SPATA13: variants seen among roughly 807,000 people sequenced by gnomAD.
SPATA13 encodes spermatogenesis associated 13.
A neutral mutation model predicts 104.0 loss-of-function variants in SPATA13; 50 were observed. The ratio of observed to expected loss-of-function variants is 0.48; its 90% CI spans 0.38 to 0.61. The LOEUF is 0.61. Among genes scored for constraint, SPATA13 ranks in the 20% least tolerant of loss-of-function variants. The probability of loss-of-function intolerance (pLI) is 0.00; values close to 1 mark genes in which losing one functional copy is unlikely to be tolerated. For missense variants in SPATA13, 1,524 were observed against 1,690.6 expected, an observed-to-expected ratio of 0.90 and a Z score of 1.73; for synonymous variants, 606 against 667.5, an observed-to-expected ratio of 0.91 and a Z score of 1.42.
chr13:24,299,708 A>G (rs750099626), intron 11 of SPATA13, among the ~76,000 whole-genome samples: 12 of 152,200 alleles, frequency 7.9e-5, no homozygotes, highest in Non-Finnish European at 1.3e-4. Context: ...GTACCTGCCT[A>G]CAGGAGGAAG....
intron 3 of SPATA13, among the ~76,000 whole-genome samples, chr13:24,102,446 T>A (rs561580435): frequency 2.0e-5 from 3 of 151,754 alleles, no homozygotes; most frequent in East Asian, 3.9e-4. Flanking sequence ...CTTTAGATTG[T>A]TGGTTTTTTC....
rs1876286022 is a variant in SPATA13 at position 24,290,694 on chromosome 13, C to G, written c.2890C>G (p.Pro964Ala). 1 of 1,614,088 alleles carries G rather than the reference C, an allele frequency of 6.2e-7. No individual in the cohort carries two copies. The highest frequency in any genetic ancestry group is 8.5e-7 in the Non-Finnish European group (1 of 1,180,050). The change falls in exon 9 of 13, where the codon CCG becomes GCG. Residue 964 changes from proline to alanine, a missense_variant. Physicochemically the swap from Pro to Ala is conservative, Grantham distance 27 (BLOSUM62 -1). This residue lies in a region of SPATA13 where 435 missense variants were observed against 554.8 expected (regional missense o/e 0.78). Transcript: ENST00000382108. Reference sequence around the variant, plus strand: ...CTATTCCGAGTACTGCAACAACCACCCGGGCGCCTGCCTGGAGCTCGCCAA... The same window carrying G: ...CTATTCCGAGTACTGCAACAACCACGCGGGCGCCTGCCTGGAGCTCGCCAA... ...AIYSEYCNNH[P>A]GACLELANLM...
At chr13:23,990,601 T>G (rs1051817901) in intron 2 of SPATA13, among the ~76,000 whole-genome samples, 1 of 152,228 alleles carries the variant, frequency 6.6e-6, no homozygotes, top group Non-Finnish European at 1.5e-5. Flanking sequence ...CAGCCTGGTT[T>G]AGTGGATTCT....
chr13:24,029,404 T>C (rs891256762), intron 3 of SPATA13, among the ~76,000 whole-genome samples: 11 of 152,214 alleles, frequency 7.2e-5, no homozygotes, highest in Non-Finnish European at 1.2e-4. Context: ...CCCAAATCCA[T>C]GTTAGGGCTG....
intron 1 of SPATA13, among the ~76,000 whole-genome samples, chr13:24,218,615 T>C (rs1871388916): frequency 6.6e-6 from 1 of 152,144 alleles, no homozygotes; most frequent in South Asian, 2.1e-4. Flanking sequence ...ATCAAGCTTC[T>C]CTAACCAGTG....
At chr13:24,058,205 G>A (rs991989428) in intron 3 of SPATA13, among the ~76,000 whole-genome samples, 2 of 151,820 alleles carry the variant, frequency 1.3e-5, no homozygotes, top group East Asian at 1.9e-4. Flanking sequence ...ATAGGATGAC[G>A]TCTTTTGATC....
intron 3 of SPATA13, among the ~76,000 whole-genome samples, chr13:24,144,312 T>C (rs1282539999): frequency 6.6e-6 from 1 of 152,172 alleles, no homozygotes; most frequent in Non-Finnish European, 1.5e-5. Flanking sequence ...CGGGTACTCA[T>C]CTTCCCCTGC....
intron 2 of SPATA13, among the ~76,000 whole-genome samples, chr13:24,013,728 A>G (rs1317273317): frequency 7.7e-6 from 1 of 130,404 alleles, no homozygotes; most frequent in Non-Finnish European, 1.6e-5. Context: ...TTTTTGCCCC[A>G]GAAGACCAGG....
chr13:24,176,699 T>C (rs1255476981), intron 1 of SPATA13, among the ~76,000 whole-genome samples: 3 of 152,208 alleles, frequency 2.0e-5, no homozygotes, highest in African/African-American at 7.2e-5. Flanking sequence ...AGCTTGGTAA[T>C]TTCTCTAAAG....
At chr13:24,193,628 G>A (rs561098724) in intron 1 of SPATA13, among the ~76,000 whole-genome samples, 5 of 152,312 alleles carry the variant, frequency 3.3e-5, no homozygotes, top group South Asian at 2.1e-4. Context: ...ACTCAGGTGG[G>A]AGGAAGCCTG....
chr13:24,198,761 A>G (rs7319037), intron 1 of SPATA13, among the ~76,000 whole-genome samples: 27,479 of 152,048 alleles, frequency 0.18, 2,596 homozygotes, highest in Middle Eastern at 0.21. Flanking sequence ...CCACGAGGAC[A>G]TGGAAACTAG....
At chr13:24,204,703 TG>T (rs746979572) in intron 1 of SPATA13, among the ~76,000 whole-genome samples, 1 of 152,242 alleles carries the variant, frequency 6.6e-6, no homozygotes, top group Non-Finnish European at 1.5e-5. Flanking sequence ...ATATGCTATT[TG>T]CTCTTTTGTG....
chr13:24,291,850 G>A (rs1876405432), intron 9 of SPATA13, among the ~76,000 whole-genome samples: 1 of 150,030 alleles, frequency 6.7e-6, no homozygotes, highest in African/African-American at 2.5e-5. Context: ...TCCGCTTCCC[G>A]GGTTCACGCC....
intron 3 of SPATA13, among the ~76,000 whole-genome samples, chr13:24,070,550 A>G (rs1476264560): frequency 6.6e-6 from 1 of 152,154 alleles, no homozygotes; most frequent in East Asian, 1.9e-4. Flanking sequence ...CTATGTGTTT[A>G]TTGTGATGAT....
At chr13:24,150,637 A>G (rs940976073) in intron 3 of SPATA13, among the ~76,000 whole-genome samples, 9 of 152,258 alleles carry the variant, frequency 5.9e-5, no homozygotes, top group Admixed American at 3.9e-4. Flanking sequence ...AGACTCAGGT[A>G]AAAGTTGATG....
intron 4 of SPATA13, among the ~76,000 whole-genome samples, chr13:24,260,649 TAAAG>T (rs1182859306): frequency 6.6e-6 from 1 of 152,222 alleles, no homozygotes; most frequent in African/African-American, 2.4e-5. Context: ...AGTGAATTGT[TAAAG>T]AAAATTCTAT....
intron 3 of SPATA13, among the ~76,000 whole-genome samples, chr13:24,038,013 G>T (rs936104455): frequency 6.6e-6 from 1 of 151,874 alleles, no homozygotes; most frequent in Non-Finnish European, 1.5e-5. Flanking sequence ...CCGGGTTCAC[G>T]CCATTCTCCT....
chr13:24,185,866 C>T (rs1220414355), intron 1 of SPATA13, among the ~76,000 whole-genome samples: 2 of 151,946 alleles, frequency 1.3e-5, no homozygotes, highest in East Asian at 3.9e-4. Context: ...ATTGTGAAGC[C>T]TGGCAAGTTC....
At chr13:24,070,973 G>A (rs902243154) in intron 3 of SPATA13, among the ~76,000 whole-genome samples, 7 of 152,188 alleles carry the variant, frequency 4.6e-5, no homozygotes, top group African/African-American at 7.2e-5. Context: ...AATTGTAGGC[G>A]TCAGGTCCTT....
Sources: allele counts gnomAD v4.1 joint callset (sites outside exome capture counted in the v4.1 genomes callset), GRCh38; gene constraint gnomAD v4.1.1; regional missense constraint gnomAD v4.1.1; transcripts MANE v1.5; gene names NCBI Gene and HGNC (gene_info 2026-07-23, HGNC 2026-07-21).